The following CTNNA3 variants were observed in gnomAD, a reference collection of about 807,000 sequenced individuals.
CTNNA3 encodes the protein catenin alpha-3.
CTNNA3 carries 76 observed loss-of-function variants against 95.7 expected under a neutral mutation model. The observed-to-expected ratio is 0.79, with a 90% CI of 0.66 to 0.96. The LOEUF (loss-of-function observed/expected upper bound fraction) is 0.96. Among genes scored for constraint, CTNNA3 ranks in the 40% least tolerant of loss-of-function variants. The pLI is 0.00. For missense variants in CTNNA3, 1,191 were observed against 1,089.8 expected (o/e 1.09, Z -1.31); for synonymous variants, 431 against 374.4 (o/e 1.15, Z -1.74).
At chr10:66,190,557 T>C (rs1437579992) in intron 13 of CTNNA3, among the ~76,000 whole-genome samples, 1 of 152,166 alleles carries the variant, frequency 6.6e-6, no homozygotes, top group Non-Finnish European at 1.5e-5. Flanking sequence ...AGTTAATGTC[T>C]CCTGGACATG....
chr10:67,257,899 A>G (rs1318113885), intron 5 of CTNNA3, among the ~76,000 whole-genome samples: 2 of 152,208 alleles, frequency 1.3e-5, no homozygotes, highest in African/African-American at 4.8e-5. Context: ...CTGAAAAGCA[A>G]TAGCTGTTTA....
intron 9 of CTNNA3, among the ~76,000 whole-genome samples, chr10:66,689,003 T>A (rs1847411666): frequency 6.6e-6 from 1 of 151,944 alleles, no homozygotes; most frequent in Admixed American, 6.6e-5. Context: ...AATGCCTATT[T>A]TAATACCCCC....
chr10:65,960,108 A>G (rs1310759922), intron 17 of CTNNA3, among the ~76,000 whole-genome samples: 1 of 152,256 alleles, frequency 6.6e-6, no homozygotes, highest in African/African-American at 2.4e-5. Context: ...TAATTTTAAC[A>G]GAAAACTACT....
chr10:66,120,297 G>A (rs1170068720), intron 13 of CTNNA3, among the ~76,000 whole-genome samples: 1 of 152,160 alleles, frequency 6.6e-6, no homozygotes, highest in African/African-American at 2.4e-5. Context: ...TGACAGTAAT[G>A]TAAAGTACTG....
chr10:66,592,569 CAT>C lies in CTNNA3; in HGVS notation c.1374+29121_1374+29122del, dbSNP rs201608025. 6.1e-3 allele frequency among the ~76,000 whole-genome samples: 932 copies of C among 152,184 alleles called. 7 individuals carry two copies. The highest frequency in any genetic ancestry group is 0.011 in the Non-Finnish European group (728 of 68,008). On this transcript the variant is annotated intron_variant, in intron 10 of 17. Transcript: ENST00000433211. ...ATAGAATGCATATGGGGAGTCAAAA[CAT>C]ATAGAATTAAATAAACATAGGCCAG...
chr10:66,005,014 C>T (rs912239225), intron 15 of CTNNA3, among the ~76,000 whole-genome samples: 2 of 152,182 alleles, frequency 1.3e-5, no homozygotes, highest in African/African-American at 4.8e-5. Context: ...TCTGGAGGCT[C>T]TGAGAGGAGA....
At chr10:66,481,823 CACG>C (rs1839546679) in intron 11 of CTNNA3, among the ~76,000 whole-genome samples, 1 of 152,068 alleles carries the variant, frequency 6.6e-6, no homozygotes, top group African/African-American at 2.4e-5. Context: ...GTTATATAAT[CACG>C]ACATGGTAGG....
intron 13 of CTNNA3, among the ~76,000 whole-genome samples, chr10:66,222,174 C>T (rs1415519871): frequency 6.6e-6 from 1 of 152,096 alleles, no homozygotes; most frequent in East Asian, 1.9e-4. Context: ...ATTCTGTTAA[C>T]TCTCTTAGTC....
In CTNNA3 at chr10:66,621,746, A is replaced by G; in HGVS notation, c.1320T>C (p.Asp440=). 1.2e-6 allele frequency: 2 copies of G among 1,612,384 alleles called. No homozygotes were observed. Among genetic ancestry groups the G allele is most frequent in the Non-Finnish European group, 1.7e-6 (2 of 1,179,228 alleles). Reference sequence around the variant, plus strand: ...CTGCAATTTTGACAATTTTAATTCCATCTTCATTTGTTGACATGGAACAAG... The same window carrying G: ...CTGCAATTTTGACAATTTTAATTCCGTCTTCATTTGTTGACATGGAACAAG... ...NLACSMSTNE[D]GIKIVKIAAN... The change falls in exon 10 of 18, where the codon GAT becomes GAC. Residue 440 remains aspartate (D), a synonymous_variant. Transcript: ENST00000433211.
intron 2 of CTNNA3, among the ~76,000 whole-genome samples, chr10:67,632,500 G>C (rs1839177585): frequency 6.6e-6 from 1 of 152,060 alleles, no homozygotes; most frequent in Non-Finnish European, 1.5e-5. Context: ...TCTTGCATTA[G>C]GGCTGACTAG....
chr10:66,899,797 G>T lies in CTNNA3; in HGVS notation c.1048-124273C>A, dbSNP rs187726717. The stretch of plus-strand genomic sequence containing the variant: ...CTGCCAGGCTGCAGCCTGGCAGGGG[G>T]AGAAGCATCTGCCACTGCTGAGGCT... On this transcript the variant is annotated intron_variant, in intron 7 of 17. Transcript: ENST00000433211. Among the ~76,000 whole-genome samples, 20 of 152,202 alleles carry T rather than the reference G, an allele frequency of 1.3e-4. No individual in the cohort carries two copies. In the East Asian group the frequency reaches 3.9e-3, roughly 30 times the overall value.
intron 7 of CTNNA3, among the ~76,000 whole-genome samples, chr10:66,883,998 C>T (rs1405260547): frequency 2.0e-5 from 3 of 152,002 alleles, no homozygotes; most frequent in African/African-American, 7.2e-5. Flanking sequence ...GTGAAGGCCT[C>T]AGGTTGCTTC....
intron 9 of CTNNA3, among the ~76,000 whole-genome samples, chr10:66,715,169 C>T (rs1848412695): frequency 6.6e-6 from 1 of 152,054 alleles, no homozygotes; most frequent in Admixed American, 6.6e-5. Context: ...ACAGCCTATT[C>T]CACTTCTTCC....
At chr10:66,669,227 G>T (rs1300441403) in intron 9 of CTNNA3, among the ~76,000 whole-genome samples, 1 of 152,054 alleles carries the variant, frequency 6.6e-6, no homozygotes, top group Non-Finnish European at 1.5e-5. Context: ...TAAGTTGTGT[G>T]TCATAGCAGA....
intron 13 of CTNNA3, among the ~76,000 whole-genome samples, chr10:66,173,035 A>G (rs1216788364): frequency 6.6e-6 from 1 of 152,214 alleles, no homozygotes; most frequent in Non-Finnish European, 1.5e-5. Context: ...AGGGGAATAT[A>G]CAAAGGACTA....
At chr10:65,938,938 T>C (rs1335420266) in intron 17 of CTNNA3, among the ~76,000 whole-genome samples, 1 of 152,062 alleles carries the variant, frequency 6.6e-6, no homozygotes, top group African/African-American at 2.4e-5. Context: ...AGTCTCGCTC[T>C]GTCGCCCAGG....
intron 13 of CTNNA3, among the ~76,000 whole-genome samples, chr10:66,134,382 TA>T (rs1441695042): frequency 3.3e-5 from 5 of 152,086 alleles, no homozygotes; most frequent in African/African-American, 7.2e-5. Context: ...GCAATTTCTA[TA>T]AAAAATCTGT....
chr10:67,247,071 C>T (rs1865935648), intron 5 of CTNNA3, among the ~76,000 whole-genome samples: 1 of 152,156 alleles, frequency 6.6e-6, no homozygotes, highest in Non-Finnish European at 1.5e-5. Context: ...AAACTGAATG[C>T]CTTCCTCCTT....
chr10:67,124,052 C>T lies in CTNNA3; in HGVS notation c.1047+56265G>A, dbSNP rs142587706. ...AGAAATCCAAATTCTGAGGCCCCAG[C>T]CCAGGAACTCTAAGGGTGGGGCCCA... On this transcript the variant is annotated intron_variant, in intron 7 of 17. Coordinates refer to ENST00000433211, the MANE Select transcript of CTNNA3 (RefSeq NM_013266.4). Among the ~76,000 whole-genome samples the T allele has an allele frequency of 3.9e-3, 599 of 152,116 alleles. 1 individual carries two copies. Among genetic ancestry groups the T allele is most frequent in the African/African-American group, 0.013 (558 of 41,510 alleles).
Sources: gnomAD v4.1 joint callset for allele counts (sites outside exome capture counted in the v4.1 genomes callset) on GRCh38, gnomAD v4.1.1 for gene constraint, MANE v1.5 for transcripts, NCBI Gene and HGNC (gene_info 2026-07-23, HGNC 2026-07-21) for gene names.